SYNE1: variants seen among roughly 807,000 people sequenced by gnomAD.
SYNE1 encodes the protein nesprin-1.
SYNE1 carries 616 observed loss-of-function variants against 1,111.0 expected under a neutral mutation model. The observed-to-expected ratio is 0.55, with a 90% confidence interval of 0.52 to 0.59. SYNE1 has a LOEUF of 0.59. Ranked by LOEUF, SYNE1 falls within the 20% of genes least tolerant of loss-of-function variation. The pLI is 0.00. For missense variants in SYNE1, 10,006 were observed against 10,417.0 expected, an observed-to-expected ratio of 0.96 and a Z score of 1.72; for synonymous variants, 3,855 against 3,825.8, an observed-to-expected ratio of 1.01 and a Z score of -0.28.
At chr6:152,463,016 C>T in intron 19 of SYNE1, 126 bp from the exon 20 acceptor site, 9 of 1,178,108 alleles carry the variant, frequency 7.6e-6, no homozygotes, top group Non-Finnish European at 1.1e-5. Flanking sequence ...ATCTTTGATT[C>T]TCATTTTAGA....
intron 63 of SYNE1, 45 bp from the exon 64 acceptor site, chr6:152,362,368 T>C (rs768009162): frequency 6.2e-7 from 1 of 1,613,464 alleles, no homozygotes; most frequent in Non-Finnish European, 8.5e-7. Context: ...TGAGAATCCT[T>C]AGGAGTCTAA....
At chr6:152,287,231 A>G (rs1198741883) in intron 95 of SYNE1, among the ~76,000 whole-genome samples, 1 of 152,146 alleles carries the variant, frequency 6.6e-6, no homozygotes, top group Non-Finnish European at 1.5e-5. Context: ...AACCACATAA[A>G]CTTAATTTTC....
rs768419512 is a variant in SYNE1, at chr6:152,206,641, C to T, written c.22825-279G>A. Among the ~76,000 whole-genome samples, 84 of 151,992 alleles carry T rather than the reference C, an allele frequency of 5.5e-4. 1 individual carries two copies. Among genetic ancestry groups the T allele is most frequent in the South Asian group, 2.1e-4 (1 of 4,810 alleles). ...GAGGGACATCTGACCCAGCAGGGGG[C>T]GCACCAAGAGGCAGAGAGGCTTCCT... On this transcript the variant is annotated intron_variant, in intron 125 of 145. Transcript: ENST00000367255.
At chr6:152,276,441 T>C (rs950120985) in intron 98 of SYNE1, among the ~76,000 whole-genome samples, 2 of 152,192 alleles carry the variant, frequency 1.3e-5, no homozygotes, top group African/African-American at 4.8e-5. Context: ...TCTCCATTGC[T>C]TCTAAATAGT....
intron 107 of SYNE1, 78 bp downstream of exon 107, chr6:152,242,160 GTT>G (rs1397847842): frequency 1.5e-6 from 2 of 1,340,780 alleles, no homozygotes; most frequent in African/African-American, 2.9e-5. Context: ...AGAATATTAG[GTT>G]TTACTAAATA....
At chr6:152,303,493 A>G (rs2095272982) in intron 91 of SYNE1, among the ~76,000 whole-genome samples, 1 of 152,080 alleles carries the variant, frequency 6.6e-6, no homozygotes, top group South Asian at 2.1e-4. Flanking sequence ...ATACATTCAT[A>G]TATATACACA....
chr6:152,183,584 G>C (rs992868249), intron 128 of SYNE1, among the ~76,000 whole-genome samples: 4 of 151,850 alleles, frequency 2.6e-5, no homozygotes, highest in African/African-American at 9.7e-5. Flanking sequence ...CTGGGCAACA[G>C]AGTGAGAAGA....
chr6:152,370,399 T>A (rs183414084), intron 59 of SYNE1, among the ~76,000 whole-genome samples: 1 of 152,194 alleles, frequency 6.6e-6, no homozygotes, highest in Non-Finnish European at 1.5e-5. Flanking sequence ...TTTTCATTAA[T>A]GAGGGTACAA....
intron 66 of SYNE1, 60 bp downstream of exon 66, chr6:152,358,313 A>G: frequency 6.2e-7 from 1 of 1,612,084 alleles, no homozygotes; most frequent in Non-Finnish European, 8.5e-7. Context: ...CTATTGCCTA[A>G]AATAATAATT....
At chr6:152,327,552 G>C (rs1392036926) in intron 78 of SYNE1, among the ~76,000 whole-genome samples, 3 of 152,200 alleles carry the variant, frequency 2.0e-5, no homozygotes, top group African/African-American at 4.8e-5. Context: ...TGCAAGCGAA[G>C]ATGCATAGAA....
intron 12 of SYNE1, among the ~76,000 whole-genome samples, chr6:152,485,866 T>G (rs2098936246): frequency 6.6e-6 from 1 of 152,158 alleles, no homozygotes; most frequent in Non-Finnish European, 1.5e-5. Context: ...CTACAAGGTT[T>G]TCTTTCATTT....
chr6:152,303,583 T>TTAG (rs1421038450), intron 91 of SYNE1, among the ~76,000 whole-genome samples: 1 of 151,868 alleles, frequency 6.6e-6, no homozygotes, highest in Non-Finnish European at 1.5e-5. Flanking sequence ...AGGAACCCTC[T>TTAG]TAGATACAAA....
intron 121 of SYNE1, 150 bp downstream of exon 121, chr6:152,218,107 G>A (rs929477834): frequency 3.9e-5 from 34 of 883,002 alleles, no homozygotes; most frequent in Non-Finnish European, 5.5e-5. Flanking sequence ...AGGCAGAATC[G>A]CTTGAACCCG....
At chr6:152,600,498 T>A (rs149108553) in intron 3 of SYNE1, among the ~76,000 whole-genome samples, 1 of 152,242 alleles carries the variant, frequency 6.6e-6, no homozygotes, top group Non-Finnish European at 1.5e-5. Flanking sequence ...TGCAGAATTT[T>A]AAGGCTGATT....
At chr6:152,211,150 A>G (rs888933008) in intron 124 of SYNE1, among the ~76,000 whole-genome samples, 1 of 152,344 alleles carries the variant, frequency 6.6e-6, no homozygotes, top group Non-Finnish European at 1.5e-5. Flanking sequence ...CTGTAATTAT[A>G]TAAGAATATT....
chr6:152,403,807 A>G (rs1023612177), intron 46 of SYNE1, among the ~76,000 whole-genome samples: 4 of 152,156 alleles, frequency 2.6e-5, no homozygotes, highest in Non-Finnish European at 4.4e-5. Context: ...TCCATGAGGC[A>G]ACTTGGCTGA....
chr6:152,510,980 A>G (rs1447928316), intron 7 of SYNE1, 31 bp downstream of exon 7: 14 of 1,586,372 alleles, frequency 8.8e-6, no homozygotes, highest in African/African-American at 5.4e-5. Flanking sequence ...GAGACATTGC[A>G]TCAACTGAAA....
chr6:152,564,077 C>T (rs2099403474), intron 3 of SYNE1, among the ~76,000 whole-genome samples: 1 of 152,096 alleles, frequency 6.6e-6, no homozygotes, highest in Non-Finnish European at 1.5e-5. Context: ...TTTTAAATTC[C>T]ATTTTATACT....
chr6:152,337,481 G>A (rs1283047649), intron 75 of SYNE1, among the ~76,000 whole-genome samples: 1 of 152,150 alleles, frequency 6.6e-6, no homozygotes, highest in Non-Finnish European at 1.5e-5. Flanking sequence ...TAGAGACAGG[G>A]TTTCTCTACG....
Sources: gnomAD v4.1 joint callset for allele counts (sites outside exome capture counted in the v4.1 genomes callset) on GRCh38, gnomAD v4.1.1 for gene constraint, MANE v1.5 for transcripts, NCBI Gene and HGNC (gene_info 2026-07-23, HGNC 2026-07-21) for gene names.